OR11H4: variants seen among roughly 807,000 people sequenced by gnomAD.
OR11H4 encodes olfactory receptor family 11 subfamily H member 4.
For synonymous variants in OR11H4, 162 were observed against 142.3 expected (o/e 1.14, Z -0.98); for missense variants, 460 against 371.1 (o/e 1.24, Z -1.97).
At chr14:20,240,332 G>A (rs17108147) in intron 1 of OR11H4, among the ~76,000 whole-genome samples, 11,358 of 152,160 alleles carry the variant, frequency 0.075, 1,030 homozygotes, top group African/African-American at 0.21. Context: ...TGGAAAGCTG[G>A]ACAACTTTAG....
At position 20,243,952 on chromosome 14, in the gene OR11H4, C is replaced by A; in HGVS notation, c.*186C>A. ...ACCTTAATTAACTGGTCTTCAACAT[C>A]CACTTAAAAGTTTTCAAAGCCTGTC... On this transcript the variant is annotated 3_prime_UTR_variant, in exon 2 of 2. Transcript: ENST00000641082. 1 of 490,086 alleles carries A rather than the reference C, an allele frequency of 2.0e-6. No homozygotes were observed. Among genetic ancestry groups the A allele is most frequent in the Non-Finnish European group, 3.4e-6 (1 of 294,416 alleles). 30.4% of individuals were successfully genotyped at this position (490,086 alleles called of 1,614,324 possible).
In OR11H4 at chr14:20,243,645, C is replaced by G; in HGVS notation, c.824C>G (p.Thr275Arg). 1 of 1,614,030 alleles carries G rather than the reference C, an allele frequency of 6.2e-7. No individual in the cohort carries two copies. Among genetic ancestry groups the G allele is most frequent in the Non-Finnish European group, 8.5e-7 (1 of 1,179,938 alleles). ...CCAACTTTATTGCAGAAGATCCTCA[C>G]ACTGGTATATTCAGTAACGACTCCT... ...GIPTLLQKIL[T>R]LVYSVTTPLF... is the part of the protein sequence containing the mutation. Residue 275 changes from threonine (T) to arginine (R), a missense_variant, in exon 2 of 2, where the codon ACA becomes AGA. Physicochemically the swap from Thr to Arg is moderately conservative, Grantham distance 71. Transcript: ENST00000641082.
intron 1 of OR11H4, among the ~76,000 whole-genome samples, chr14:20,241,965 G>T (rs139900582): frequency 6.6e-6 from 1 of 151,964 alleles, no homozygotes; most frequent in Non-Finnish European, 1.5e-5. Flanking sequence ...AACATGTCTC[G>T]CTTCCCACCA....
intron 1 of OR11H4, among the ~76,000 whole-genome samples, chr14:20,241,604 A>G (rs139605471): frequency 0.011 from 1,704 of 152,334 alleles, 35 homozygotes; most frequent in African/African-American, 0.036. Context: ...CTGGTCTGGT[A>G]GGACGAGAGA....
Position 20,243,808 on chromosome 14 carries a change from G to A in OR11H4, c.*42G>A. On this transcript the variant is annotated 3_prime_UTR_variant, in exon 2 of 2. Coordinates refer to ENST00000641082, the MANE Select transcript of OR11H4 (RefSeq NM_001004479.2). ...ACTTACAAGTTCTAACGAAGAACAA[G>A]GTCGAGATGTTGTCAGTTCTTTAGC... is the stretch of plus-strand genomic sequence containing the variant. 1.3e-6 allele frequency: 2 copies of A among 1,527,376 alleles called. No homozygotes were observed. Among genetic ancestry groups the A allele is most frequent in the Non-Finnish European group, 1.8e-6 (2 of 1,139,726 alleles). 94.6% of individuals were successfully genotyped at this position (1,527,376 alleles called of 1,614,324 possible). A position where few individuals can be genotyped will look rare whatever the true frequency, so the allele number is the denominator to read the frequency against.
chr14:20,243,760 T>G lies in OR11H4; in HGVS notation c.939T>G (p.Asn313Lys), dbSNP rs1880998542. 6.4e-7 allele frequency: 1 copy of G among 1,572,152 alleles called. No individual in the cohort carries two copies. Among genetic ancestry groups the G allele is most frequent in the African/African-American group, 1.4e-5 (1 of 73,476 alleles). The change falls in exon 2 of 2, where the codon AAT (asparagine) becomes AAG (lysine). Residue 313 changes from asparagine (N) to lysine (K), a missense_variant. Physicochemically the swap from Asn to Lys is moderately conservative, Grantham distance 94 (BLOSUM62 0). Transcript: ENST00000641082. ...TGTTTGGAATGAGAATTCGTCAAAA[T>G]TCGTGAGCCAAAGATGTGCCATACT... is the stretch of plus-strand genomic sequence containing the variant. ...NVLFGMRIRQ[N>K]S
rs771489812 is a variant in OR11H4 at position 20,243,920 on chromosome 14, T to A, written c.*154T>A. 6 of 627,604 alleles carry A rather than the reference T, an allele frequency of 9.6e-6. No homozygotes were observed. The highest frequency in any genetic ancestry group is 3.6e-5 in the Admixed American group (1 of 28,116). 38.9% of individuals were successfully genotyped at this position (627,604 alleles called of 1,614,324 possible). ...GCTTAAATATGTTTCCAGCACTGAC[T>A]CTTTAAACCTTAATTAACTGGTCTT... On this transcript the variant is annotated 3_prime_UTR_variant, in exon 2 of 2. Transcript: ENST00000641082.
In OR11H4 at chr14:20,243,431, T is replaced by C. The variant is rs748089686; in HGVS notation, c.610T>C (p.Ser204Pro). 4 of 1,613,740 alleles carry C rather than the reference T, an allele frequency of 2.5e-6. No homozygotes were observed. The South Asian group carries it at 4.4e-5, about 18-fold the overall frequency. ...ITECIFYTQSSLVLFFTSMYI... is the reference protein window; with the variant it reads ...ITECIFYTQSPLVLFFTSMYI... ...TGAATGTATTTTCTATACTCAGAGC[T>C]CCCTTGTCCTCTTTTTCACTAGTAT... is the stretch of plus-strand genomic sequence containing the variant. The change falls in exon 2 of 2, where the codon TCC becomes CCC. Residue 204 changes from serine to proline, a missense_variant. By Grantham distance (74) the Ser-to-Pro change is moderately conservative (BLOSUM62 -1). Coordinates refer to ENST00000641082, the MANE Select transcript of OR11H4 (RefSeq NM_001004479.2).
Position 20,244,070 on chromosome 14 carries a change from A to C in OR11H4, c.*304A>C, listed in dbSNP as rs1280122909. ...CATTGTATATCTTCTTCCTCATTGC[A>C]ACAAGACAATAAACCCAACTTTGTT... On this transcript the variant is annotated 3_prime_UTR_variant, in exon 2 of 2. Transcript: ENST00000641082. 1 of 223,440 alleles carries C rather than the reference A, an allele frequency of 4.5e-6. No homozygotes were observed. The highest frequency in any genetic ancestry group is 8.8e-6 in the Non-Finnish European group (1 of 114,238). The allele number at this position is 223,440 out of a possible 1,614,324, so 13.8% of individuals were successfully genotyped here.
chr14:20,240,609 G>A (rs565385346), intron 1 of OR11H4, among the ~76,000 whole-genome samples: 6 of 144,178 alleles, frequency 4.2e-5, no homozygotes, highest in Admixed American at 7.1e-5. Flanking sequence ...GTGGAGTCTC[G>A]CTCTGTCACC....
At position 20,243,246 on chromosome 14, in the gene OR11H4, G is replaced by C; in HGVS notation, c.425G>C (p.Gly142Ala). 1 of 1,614,154 alleles carries C rather than the reference G, an allele frequency of 6.2e-7. No homozygotes were observed. The highest frequency in any genetic ancestry group is 8.5e-7 in the Non-Finnish European group (1 of 1,180,036). The change falls in exon 2 of 2, where the codon GGT becomes GCT. Residue 142 changes from glycine to alanine, a missense_variant. Coordinates refer to ENST00000641082, the MANE Select transcript of OR11H4 (RefSeq NM_001004479.2). The part of the protein sequence containing the change: ...YPAIMTVRFC[G>A]KLVSFCWLIG... ...GCCATCATGACTGTAAGGTTCTGTGGTAAGCTGGTGTCTTTCTGTTGGCTT... is the reference window on the plus strand; with the variant it reads ...GCCATCATGACTGTAAGGTTCTGTGCTAAGCTGGTGTCTTTCTGTTGGCTT...
At chr14:20,240,544 AAACTT>A (rs1423955785) in intron 1 of OR11H4, among the ~76,000 whole-genome samples, 3 of 151,682 alleles carry the variant, frequency 2.0e-5, no homozygotes, top group Non-Finnish European at 2.9e-5. Flanking sequence ...CAAGAGATCT[AAACTT>A]AACAAGAAAC....
At chr14:20,239,849 A>T (rs914194690) in intron 1 of OR11H4, among the ~76,000 whole-genome samples, 18 of 152,124 alleles carry the variant, frequency 1.2e-4, no homozygotes, top group African/African-American at 4.1e-4. Flanking sequence ...AGCGTTTTGG[A>T]GACTTTGGAG....
At position 20,242,842 on chromosome 14, in the gene OR11H4, C is replaced by T; in HGVS notation, c.21C>T (p.His7=). The part of the protein sequence containing the change: MNRSAT[H]IVTEFILLGF... ...GACCCATGAACAGGTCAGCAACACA[C>T]ATCGTGACAGAGTTTATTCTCCTGG... The change falls in exon 2 of 2, where the codon CAC becomes CAT. Residue 7 remains histidine (H), a synonymous_variant. Coordinates refer to ENST00000641082, the MANE Select transcript of OR11H4 (RefSeq NM_001004479.2). 1 of 1,613,974 alleles carries T rather than the reference C, an allele frequency of 6.2e-7. No homozygotes were observed. The highest frequency in any genetic ancestry group is 8.5e-7 in the Non-Finnish European group (1 of 1,179,850).
intron 1 of OR11H4, among the ~76,000 whole-genome samples, chr14:20,241,430 A>G (rs1880915598): frequency 6.6e-6 from 1 of 152,178 alleles, no homozygotes; most frequent in Non-Finnish European, 1.5e-5. Context: ...ATAAGAGAAA[A>G]TTGATGAACT....
rs1881000817 is a variant in OR11H4, at chr14:20,243,856, G to A, written c.*90G>A. 5 of 1,293,676 alleles carry A rather than the reference G, an allele frequency of 3.9e-6. No individual in the cohort carries two copies. In the South Asian group the frequency reaches 6.5e-5, roughly 17 times the overall value. 80.1% of individuals were successfully genotyped at this position (1,293,676 alleles called of 1,614,324 possible). ...AGCAGTCTTTCAGTCCTCAGTCTGA[G>A]TAGTTAGAGGTTGTATATTTTACCT... On this transcript the variant is annotated 3_prime_UTR_variant, in exon 2 of 2. Coordinates refer to ENST00000641082, the MANE Select transcript of OR11H4 (RefSeq NM_001004479.2).
intron 1 of OR11H4, among the ~76,000 whole-genome samples, chr14:20,240,442 C>G (rs1323295082): frequency 6.6e-6 from 1 of 152,118 alleles, no homozygotes; most frequent in African/African-American, 2.4e-5. Context: ...AATACCTGAT[C>G]CTTCCTTCAA....
Position 20,243,022 on chromosome 14 carries a change from CT to C in OR11H4, c.203del (p.Phe68SerfsTer15). The C allele has an allele frequency of 6.2e-7, 1 of 1,614,122 alleles. No homozygotes were observed. Among genetic ancestry groups the C allele is most frequent in the Non-Finnish European group, 8.5e-7 (1 of 1,180,030 alleles). Reference sequence around the variant, plus strand: ...TGTACTTTCTGCTGGGAAATTTTGCCTTCCTTGAGATCTGGTATGTGTCCTC... The same window carrying C: ...TGTACTTTCTGCTGGGAAATTTTGCCTCCTTGAGATCTGGTATGTGTCCTC... ...PMYFLLGNFA[F>X]LEIWYVSSTI... is the part of the protein sequence containing the mutation. On this transcript the variant is annotated frameshift_variant, in exon 2 of 2. Transcript: ENST00000641082. LOFTEE classifies it low-confidence loss of function (END_TRUNC).
In OR11H4 at chr14:20,243,160, C is replaced by T. The variant is rs1412575603; in HGVS notation, c.339C>T (p.Leu113=). The change falls in exon 2 of 2, where the codon CTC becomes CTT. Residue 113 remains leucine (L), a synonymous_variant. Transcript: ENST00000641082. ...FFFSLGTTEC[L]FLAVMAYDRY... is the part of the protein sequence containing the mutation. ...TTTCACTGGGAACAACTGAATGTCT[C>T]TTTCTGGCAGTAATGGCTTATGATC... The T allele has an allele frequency of 2.5e-6, 4 of 1,614,100 alleles. No individual in the cohort carries two copies. The South Asian group carries it at 3.3e-5, about 13-fold the overall frequency.
Sources: allele counts gnomAD v4.1 joint callset (sites outside exome capture counted in the v4.1 genomes callset), GRCh38; gene constraint gnomAD v4.1.1; transcripts MANE v1.5; gene names NCBI Gene and HGNC (gene_info 2026-07-23, HGNC 2026-07-21).